Variants in UXS1 observed in about 807,000 individuals in gnomAD.
UXS1 encodes the protein UDP-glucuronate decarboxylase 1, also known as UDP-glucuronic acid decarboxylase 1.
UXS1 carries 33 observed loss-of-function variants against 62.6 expected under a neutral mutation model. That is an observed-to-expected ratio of 0.53 (90% CI 0.40 to 0.70). The LOEUF is 0.70. Ranked by LOEUF, UXS1 falls within the 30% of genes least tolerant of loss-of-function variation. UXS1 has a pLI of 0.00. For missense variants in UXS1, 434 were observed against 556.3 expected, an observed-to-expected ratio of 0.78 and a Z score of 2.21; for synonymous variants, 213 against 206.8, an observed-to-expected ratio of 1.03 and a Z score of -0.26.
intron 1 of UXS1, among the ~76,000 whole-genome samples, chr2:106,173,466 ATC>A (rs1021573735): frequency 6.6e-5 from 10 of 152,164 alleles, no homozygotes; most frequent in African/African-American, 2.4e-4. Flanking sequence ...AGGTGGGAGA[ATC>A]GCTTGAGCCC....
chr2:106,094,385 T>C (rs753607498), intron 14 of UXS1, among the ~76,000 whole-genome samples: 13 of 151,494 alleles, frequency 8.6e-5, no homozygotes, highest in Admixed American at 3.3e-4. Context: ...ACTGTGGAGC[T>C]GACAAGTGTC....
rs191233926 is a variant in UXS1 at position 106,125,731 on chromosome 2, C to T, written c.578-52G>A. 2,868 of 1,479,516 alleles carry T rather than the reference C, an allele frequency of 1.9e-3. 13 individuals are homozygous for T. The highest frequency in any genetic ancestry group is 7.4e-3 in the South Asian group (559 of 75,534). 91.6% of individuals were successfully genotyped at this position (1,479,516 alleles called of 1,614,324 possible). ...GAGACTGAATTTACATGTGCAGGCA[C>T]ATTTTTTGCTGGCCAATTTAAGCAA... On this transcript the variant is annotated intron_variant, in intron 7 of 14. Transcript: ENST00000283148.
chr2:106,182,975 TCAGAATTAAATTCCA>T (rs1553439036), intron 1 of UXS1, among the ~76,000 whole-genome samples: 1 of 151,970 alleles, frequency 6.6e-6, no homozygotes, highest in Non-Finnish European at 1.5e-5. Context: ...GAGCAGGGAA[TCAGAATTAAATTCCA>T]CAGAACAGCA....
chr2:106,194,119 TC>T, intron 1 of UXS1, 28 bp downstream of exon 1: 2 of 1,451,058 alleles, frequency 1.4e-6, no homozygotes, highest in Non-Finnish European at 9.1e-7. Flanking sequence ...TGAATGGGGC[TC>T]CCCAGCTGGC....
At chr2:106,126,558 G>A (rs1225857740) in intron 7 of UXS1, among the ~76,000 whole-genome samples, 1 of 152,304 alleles carries the variant, frequency 6.6e-6, no homozygotes, top group Middle Eastern at 3.4e-3. Context: ...GGTGAGGCTG[G>A]GTGGGGTGGT....
At chr2:106,096,125 C>A (rs1483082545) in intron 14 of UXS1, among the ~76,000 whole-genome samples, 1 of 152,190 alleles carries the variant, frequency 6.6e-6, no homozygotes, top group Non-Finnish European at 1.5e-5. Context: ...GCAACTGGGG[C>A]TACGCAGGGC....
At chr2:106,183,606 AGAG>A (rs1043540721) in intron 1 of UXS1, 2 of 152,188 alleles carry the variant, frequency 1.3e-5, no homozygotes, top group Admixed American at 6.5e-5. Flanking sequence ...AGCCCCCCTC[AGAG>A]GAGAAGTTCC....
At chr2:106,098,901 C>T in intron 12 of UXS1, 128 bp from the exon 13 acceptor site, 1 of 763,948 alleles carries the variant, frequency 1.3e-6, no homozygotes, top group South Asian at 1.6e-5. Context: ...TTCAGCAGAG[C>T]TCCGTGTGCC....
In UXS1 at chr2:106,163,950, C is replaced by T. The variant is rs76660845; in HGVS notation, c.187-240G>A. 3.9e-4 allele frequency among the ~76,000 whole-genome samples: 60 copies of T among 152,330 alleles called. 2 individuals are homozygous for T. The East Asian group carries it at 0.011, about 27-fold the overall frequency. On this transcript the variant is annotated intron_variant, in intron 3 of 14. Coordinates refer to ENST00000283148, the MANE Select transcript of UXS1 (RefSeq NM_001253875.2). ...TTCTGAGACAATTAATGTTTTTGCTCACCCATCCTACTAGGAAGAATGTAA... is the reference window on the plus strand; with the variant it reads ...TTCTGAGACAATTAATGTTTTTGCTTACCCATCCTACTAGGAAGAATGTAA...
intron 13 of UXS1, among the ~76,000 whole-genome samples, chr2:106,098,194 T>A (rs1273814625): frequency 1.3e-5 from 2 of 152,320 alleles, no homozygotes; most frequent in African/African-American, 4.8e-5. Flanking sequence ...GCTCATCCAC[T>A]CTATGTCTGC....
At position 106,118,528 on chromosome 2, in the gene UXS1, G is replaced by A. The variant is rs1185311607; in HGVS notation, c.759+4442C>T. Among the ~76,000 whole-genome samples, 6 of 152,130 alleles carry A rather than the reference G, an allele frequency of 3.9e-5. No homozygotes were observed. The East Asian group carries it at 1.2e-3, about 29-fold the overall frequency. On this transcript the variant is annotated intron_variant, in intron 9 of 14. Coordinates refer to ENST00000283148, the MANE Select transcript of UXS1 (RefSeq NM_001253875.2). ...GCCCCCACATTTATCAAGCCACTGA[G>A]TCCAAATGCACACAGAGGCGGCAAT...
intron 11 of UXS1, among the ~76,000 whole-genome samples, chr2:106,104,020 C>A (rs1470022682): frequency 6.6e-6 from 1 of 152,168 alleles, no homozygotes; most frequent in Non-Finnish European, 1.5e-5. Flanking sequence ...GGCCCTAAGA[C>A]AGCAGGAATA....
chr2:106,144,979 CG>C (rs1681445323), intron 6 of UXS1, among the ~76,000 whole-genome samples: 1 of 152,144 alleles, frequency 6.6e-6, no homozygotes. Context: ...AGGGGTGCCA[CG>C]TAGGAGAGAA....
chr2:106,105,577 T>C (rs570065132), intron 10 of UXS1, among the ~76,000 whole-genome samples: 73 of 152,300 alleles, frequency 4.8e-4, no homozygotes, highest in Non-Finnish European at 7.5e-4. Context: ...CTCTGGCTCA[T>C]TGCCCAGGGA....
intron 9 of UXS1, among the ~76,000 whole-genome samples, chr2:106,120,012 T>C (rs925708546): frequency 6.6e-6 from 1 of 152,214 alleles, no homozygotes; most frequent in Non-Finnish European, 1.5e-5. Flanking sequence ...CTGTCTCAGC[T>C]GTGAGGTGTC....
chr2:106,113,829 G>C (rs948078515), intron 9 of UXS1, among the ~76,000 whole-genome samples: 1 of 152,222 alleles, frequency 6.6e-6, no homozygotes, highest in Non-Finnish European at 1.5e-5. Flanking sequence ...CCACTGACTC[G>C]GTCGCAGCAA....
At chr2:106,191,679 G>T (rs541049598) in intron 1 of UXS1, among the ~76,000 whole-genome samples, 1 of 152,248 alleles carries the variant, frequency 6.6e-6, no homozygotes, top group East Asian at 1.9e-4. Context: ...TGCATTCCTA[G>T]AATACTGCCT....
rs1287241408 is a variant in UXS1 at position 106,129,604 on chromosome 2, A to G, written c.577+70T>C. ...AGATCAAACTCTAGTAGAAGATTCAATGACCTATGCTTGTAATCATCTAAA... is the reference window on the plus strand; with the variant it reads ...AGATCAAACTCTAGTAGAAGATTCAGTGACCTATGCTTGTAATCATCTAAA... On this transcript the variant is annotated intron_variant, in intron 7 of 14. Transcript: ENST00000283148. 8 of 1,273,874 alleles carry G rather than the reference A, an allele frequency of 6.3e-6. No homozygotes were observed. The East Asian group carries it at 1.7e-4, about 28-fold the overall frequency. 78.9% of individuals were successfully genotyped at this position (1,273,874 alleles called of 1,614,324 possible).
At chr2:106,180,441 T>A (rs6725081) in intron 1 of UXS1, among the ~76,000 whole-genome samples, 61,849 of 152,030 alleles carry the variant, frequency 0.41, 12,783 homozygotes, top group East Asian at 0.58. Flanking sequence ...CACCTCAACT[T>A]AGGATTTGGC....
Sources: gnomAD v4.1 joint callset for allele counts (sites outside exome capture counted in the v4.1 genomes callset) on GRCh38, gnomAD v4.1.1 for gene constraint, MANE v1.5 for transcripts, NCBI Gene and HGNC (gene_info 2026-07-23, HGNC 2026-07-21) for gene names.